The following ITIH5 variants were observed in gnomAD, a reference collection of about 807,000 sequenced individuals.
ITIH5 encodes inter-alpha-trypsin inhibitor heavy chain H5.
A neutral mutation model predicts 77.5 loss-of-function variants in ITIH5; 65 were observed. The observed-to-expected ratio is 0.84, with a 90% CI of 0.69 to 1.03. The LOEUF (loss-of-function observed/expected upper bound fraction) is 1.03, where lower values mean the gene tolerates loss of function less well. ITIH5 is among the 50% of genes least tolerant of loss of function. The probability of loss-of-function intolerance (pLI) is 0.00; values close to 1 mark genes in which losing one functional copy is unlikely to be tolerated. For missense variants in ITIH5, 1,208 were observed against 1,213.1 expected (o/e 1.00, Z 0.06); for synonymous variants, 525 against 494.3 (o/e 1.06, Z -0.82).
intron 7 of ITIH5, among the ~76,000 whole-genome samples, chr10:7,603,996 C>T (rs556396687): frequency 3.8e-4 from 58 of 152,222 alleles, no homozygotes; most frequent in Non-Finnish European, 5.9e-4. Context: ...GGGCTTTATC[C>T]GGGGGAATCC....
At chr10:7,572,234 G>A in intron 11 of ITIH5, 2 of 1,295,896 alleles carry the variant, frequency 1.5e-6, no homozygotes, top group South Asian at 2.6e-5. Context: ...CACAGCAGCA[G>A]AAAGGCAACA....
chr10:7,579,935 T>A lies in ITIH5; in HGVS notation c.1238A>T (p.Glu413Val), dbSNP rs754302753. 2 of 1,614,142 alleles carry A rather than the reference T, an allele frequency of 1.2e-6. No homozygotes were observed. Among genetic ancestry groups the A allele is most frequent in the Non-Finnish European group, 1.7e-6 (2 of 1,180,028 alleles). Residue 413 changes from glutamate (E) to valine (V), a missense_variant, in exon 9 of 14, where the codon GAG becomes GTG. Coordinates refer to ENST00000397146, the MANE Select transcript of ITIH5 (RefSeq NM_030569.7). ...FLTDGKPTVG[E>V]THTLKILNNT... ...GTTGAGGATCTTGAGGGTGTGCGTCTCCCCGACCGTGGGCTTCCCATCCGT... is the reference window on the plus strand; with the variant it reads ...GTTGAGGATCTTGAGGGTGTGCGTCACCCCGACCGTGGGCTTCCCATCCGT...
At position 7,579,842 on chromosome 10, in the gene ITIH5, A is replaced by C; in HGVS notation, c.1331T>G (p.Phe444Cys). ...CAGCGACAGTTTCTCCAGCAGCCTGAAGTCCACGTCGTTGCCGATGCCAAT... is the reference window on the plus strand; with the variant it reads ...CAGCGACAGTTTCTCCAGCAGCCTGCAGTCCACGTCGTTGCCGATGCCAAT... ...FTIGIGNDVD[F>C]RLLEKLSLEN... Residue 444 changes from phenylalanine (F) to cysteine (C), a missense_variant, in exon 9 of 14, where the codon TTC (phenylalanine) becomes TGC (cysteine). Coordinates refer to ENST00000397146, the MANE Select transcript of ITIH5 (RefSeq NM_030569.7). 2 of 1,614,214 alleles carry C rather than the reference A, an allele frequency of 1.2e-6. No individual in the cohort carries two copies. The highest frequency in any genetic ancestry group is 2.2e-5 in the South Asian group (2 of 91,086).
rs1832505793 is a variant in ITIH5 at position 7,579,834 on chromosome 10, G to A, written c.1339C>T (p.Leu447=). The A allele has an allele frequency of 1.2e-6, 2 of 1,614,096 alleles. No individual in the cohort carries two copies. Among genetic ancestry groups the A allele is most frequent in the African/African-American group, 2.7e-5 (2 of 74,952 alleles). ...GIGNDVDFRL[L]EKLSLENCGL... is the part of the protein sequence containing the mutation. ...CAGTTCTCCAGCGACAGTTTCTCCAGCAGCCTGAAGTCCACGTCGTTGCCG... is the reference window on the plus strand; with the variant it reads ...CAGTTCTCCAGCGACAGTTTCTCCAACAGCCTGAAGTCCACGTCGTTGCCG... Residue 447 remains leucine (L), a synonymous_variant, in exon 9 of 14, where the codon CTG becomes TTG. Coordinates refer to ENST00000397146, the MANE Select transcript of ITIH5 (RefSeq NM_030569.7).
Position 7,603,013 on chromosome 10 carries a change from G to A in ITIH5, c.939+12969C>T, listed in dbSNP as rs76042678. Among the ~76,000 whole-genome samples, 2,282 of 152,054 alleles carry A rather than the reference G, an allele frequency of 0.015. 121 individuals are homozygous for A. The East Asian group carries it at 0.19, about 12-fold the overall frequency. ...GTGGCCCACAAATTACATTCCTACAGCACTTCCAGCTGCATGGCTCCTTCC... is the reference window on the plus strand; with the variant it reads ...GTGGCCCACAAATTACATTCCTACAACACTTCCAGCTGCATGGCTCCTTCC... On this transcript the variant is annotated intron_variant, in intron 7 of 13. Transcript: ENST00000397146.
At chr10:7,565,135 T>C (rs1832120585) in intron 13 of ITIH5, among the ~76,000 whole-genome samples, 2 of 141,768 alleles carry the variant, frequency 1.4e-5, no homozygotes, top group African/African-American at 5.6e-5. Flanking sequence ...ACACACACCA[T>C]ACATACATAC....
At chr10:7,614,866 A>G (rs1209901182) in intron 7 of ITIH5, among the ~76,000 whole-genome samples, 4 of 152,190 alleles carry the variant, frequency 2.6e-5, no homozygotes, top group Admixed American at 6.5e-5. Context: ...CAGGACCTGG[A>G]GGTGGACGCA....
At chr10:7,588,426 G>C (rs1479451996) in intron 7 of ITIH5, among the ~76,000 whole-genome samples, 1 of 152,248 alleles carries the variant, frequency 6.6e-6, no homozygotes. Flanking sequence ...GCTGAGGCGG[G>C]AGAATCACTT....
At chr10:7,660,632 T>A (rs7097970) in intron 1 of ITIH5, among the ~76,000 whole-genome samples, 8,647 of 152,004 alleles carry the variant, frequency 0.057, 824 homozygotes, top group African/African-American at 0.2. Context: ...CTGATAGGGG[T>A]TGTGTTTTTC....
intron 2 of ITIH5, among the ~76,000 whole-genome samples, chr10:7,647,445 C>T (rs1834024425): frequency 1.3e-5 from 2 of 152,230 alleles, no homozygotes; most frequent in South Asian, 2.1e-4. Flanking sequence ...CCAGAGCAAC[C>T]TCCAGCAACA....
intron 12 of ITIH5, among the ~76,000 whole-genome samples, chr10:7,568,011 T>G (rs894368981): frequency 3.3e-5 from 5 of 152,316 alleles, no homozygotes; most frequent in African/African-American, 1.2e-4. Flanking sequence ...GAACTCCTTT[T>G]TTTTCTTCAT....
At chr10:7,590,914 T>C (rs1832780878) in intron 7 of ITIH5, among the ~76,000 whole-genome samples, 1 of 152,242 alleles carries the variant, frequency 6.6e-6, no homozygotes, top group African/African-American at 2.4e-5. Flanking sequence ...TTTATTTTAT[T>C]TGAGACAGAG....
intron 4 of ITIH5, 122 bp downstream of exon 4, chr10:7,640,632 A>T (rs780440468): frequency 6.5e-5 from 42 of 642,804 alleles, no homozygotes; most frequent in Non-Finnish European, 1.1e-4. Flanking sequence ...TTATATTTTG[A>T]TAAAAAAGAA....
intron 8 of ITIH5, among the ~76,000 whole-genome samples, chr10:7,581,928 T>C (rs527690678): frequency 9.7e-5 from 14 of 144,850 alleles, no homozygotes; most frequent in Non-Finnish European, 1.9e-4. Flanking sequence ...CAAGGTGGAA[T>C]GCAGTGGCGT....
chr10:7,665,095 T>C (rs1022986855), intron 1 of ITIH5, among the ~76,000 whole-genome samples: 1 of 152,216 alleles, frequency 6.6e-6, no homozygotes, highest in Non-Finnish European at 1.5e-5. Context: ...ACCTTGGATT[T>C]TTTTTCCTGA....
rs1202764368 is a variant in ITIH5, at chr10:7,616,100, T to C, written c.823-2A>G. 2 of 1,564,256 alleles carry C rather than the reference T, an allele frequency of 1.3e-6. No individual in the cohort carries two copies. Among genetic ancestry groups the C allele is most frequent in the Non-Finnish European group, 1.8e-6 (2 of 1,134,802 alleles). Reference sequence around the variant, plus strand: ...GTGCACAAAATAGCCATTTAGAACCTGGTGGAGGGAAAAGAAAGTAAAAAC... The same window carrying C: ...GTGCACAAAATAGCCATTTAGAACCCGGTGGAGGGAAAAGAAAGTAAAAAC... On this transcript the variant is annotated splice_acceptor_variant, in intron 6 of 13. Coordinates refer to ENST00000397146, the MANE Select transcript of ITIH5 (RefSeq NM_030569.7). LOFTEE classifies it high-confidence loss of function.
chr10:7,608,336 A>G (rs1833173466), intron 7 of ITIH5, among the ~76,000 whole-genome samples: 1 of 152,076 alleles, frequency 6.6e-6, no homozygotes, highest in African/African-American at 2.4e-5. Context: ...CTGGAGTGCA[A>G]TGGCGCCATC....
At chr10:7,612,927 G>A (rs1833279967) in intron 7 of ITIH5, among the ~76,000 whole-genome samples, 2 of 152,136 alleles carry the variant, frequency 1.3e-5, no homozygotes, top group Non-Finnish European at 2.9e-5. Context: ...AAACAACTTG[G>A]TCAACGAATG....
intron 12 of ITIH5, 101 bp from the exon 13 acceptor site, chr10:7,566,508 G>A: frequency 1.7e-6 from 2 of 1,208,974 alleles, no homozygotes; most frequent in Non-Finnish European, 2.3e-6. Flanking sequence ...CAGGTGGATT[G>A]CCTGAGTCCA....
Sources: allele counts gnomAD v4.1 joint callset (sites outside exome capture counted in the v4.1 genomes callset), GRCh38; gene constraint gnomAD v4.1.1; transcripts MANE v1.5; gene names NCBI Gene and HGNC (gene_info 2026-07-23, HGNC 2026-07-21).